The following SMAD6 variants were observed in gnomAD, a reference collection of about 807,000 sequenced individuals.
SMAD6 encodes the protein SMAD family member 6.
SMAD6 carries 103 observed loss-of-function variants against 39.4 expected under a neutral mutation model. That is an observed-to-expected ratio of 2.62 (90% CI 2.23 to 3.08). The LOEUF is 3.08. Among genes scored for constraint, SMAD6 ranks in the 30% most tolerant of loss-of-function variants. SMAD6 has a pLI of 0.00. For synonymous variants in SMAD6, 445 were observed against 353.3 expected, an observed-to-expected ratio of 1.26 and a Z score of -2.91; for missense variants, 1,104 against 742.9, an observed-to-expected ratio of 1.49 and a Z score of -5.65.
At chr15:66,755,189 A>G (rs2140652445) in intron 3 of SMAD6, among the ~76,000 whole-genome samples, 2 of 152,278 alleles carry the variant, frequency 1.3e-5, no homozygotes, top group East Asian at 3.9e-4. Flanking sequence ...GATGGGGAGG[A>G]GTCATGGCCC....
At chr15:66,760,924 G>A (rs1382432213) in intron 3 of SMAD6, among the ~76,000 whole-genome samples, 1 of 152,126 alleles carries the variant, frequency 6.6e-6, no homozygotes, top group Non-Finnish European at 1.5e-5. Flanking sequence ...CCTCTCGAGG[G>A]ATCATGACAT....
At position 66,781,094 on chromosome 15, in the gene SMAD6, C is replaced by G. The variant is rs200493039; in HGVS notation, c.1050C>G (p.Tyr350Ter). The change falls in exon 4 of 4, where the codon TAC (tyrosine) becomes TAG (stop). Residue 350 changes from tyrosine (Y) to a stop codon, truncating the protein, a stop_gained. Transcript: ENST00000288840. LOFTEE classifies it high-confidence loss of function. ...GCGTGGGCCGCCTCTATGCGGTGTACGACCAGGCCGTCAGCATCTTCTACG... is the reference window on the plus strand; with the variant it reads ...GCGTGGGCCGCCTCTATGCGGTGTAGGACCAGGCCGTCAGCATCTTCTACG... The part of the protein sequence containing the change: ...RTRVGRLYAV[Y>*]DQAVSIFYDL... 4.4e-6 allele frequency: 7 copies of G among 1,607,894 alleles called. No individual in the cohort carries two copies. The highest frequency in any genetic ancestry group is 5.9e-6 in the Non-Finnish European group (7 of 1,179,354).
At chr15:66,757,015 A>G (rs1352441081) in intron 3 of SMAD6, among the ~76,000 whole-genome samples, 2 of 152,154 alleles carry the variant, frequency 1.3e-5, no homozygotes, top group Non-Finnish European at 2.9e-5. Flanking sequence ...GGGAGTCCTT[A>G]GACTTTGGGT....
At chr15:66,714,332 C>G (rs755966227) in intron 2 of SMAD6, among the ~76,000 whole-genome samples, 1 of 152,016 alleles carries the variant, frequency 6.6e-6, no homozygotes, top group East Asian at 1.9e-4. Context: ...CTCAGCCCAC[C>G]ACCTGTTTTT....
intron 3 of SMAD6, among the ~76,000 whole-genome samples, chr15:66,741,498 G>C (rs1433538107): frequency 6.6e-6 from 1 of 152,218 alleles, no homozygotes; most frequent in East Asian, 1.9e-4. Context: ...ATGAGGAGGA[G>C]GTGGGTGGGA....
At chr15:66,740,331 G>T (rs1406246118) in intron 3 of SMAD6, 1 of 152,264 alleles carries the variant, frequency 6.6e-6, no homozygotes. Context: ...ACCCAGCTTG[G>T]TGTGGCCAGT....
chr15:66,715,260 C>T (rs1057073810), intron 2 of SMAD6, among the ~76,000 whole-genome samples: 1 of 147,590 alleles, frequency 6.8e-6, no homozygotes. Context: ...AACACTCAGT[C>T]AGCATCTGGC....
intron 3 of SMAD6, 107 bp from the exon 4 acceptor site, chr15:66,780,890 A>G: frequency 8.6e-7 from 1 of 1,156,904 alleles, no homozygotes; most frequent in Non-Finnish European, 1.2e-6. Flanking sequence ...AATGCTGGAA[A>G]CCTTACCCAG....
chr15:66,746,509 G>C (rs547731622), intron 3 of SMAD6, among the ~76,000 whole-genome samples: 5 of 152,148 alleles, frequency 3.3e-5, no homozygotes, highest in African/African-American at 7.2e-5. Flanking sequence ...TTGCTCTAGG[G>C]GGGTGGGGGG....
intron 3 of SMAD6, among the ~76,000 whole-genome samples, chr15:66,767,526 G>A (rs972001185): frequency 1.3e-5 from 2 of 152,284 alleles, no homozygotes; most frequent in Middle Eastern, 3.4e-3. Flanking sequence ...GATGCGTCAA[G>A]CAGCTTCAAC....
chr15:66,775,000 A>G (rs1353675463), intron 3 of SMAD6, among the ~76,000 whole-genome samples: 3 of 151,996 alleles, frequency 2.0e-5, no homozygotes, highest in Non-Finnish European at 4.4e-5. Context: ...AGTTGGGATT[A>G]AGGCGCCCGC....
At chr15:66,761,809 C>T (rs541981585) in intron 3 of SMAD6, among the ~76,000 whole-genome samples, 9 of 152,324 alleles carry the variant, frequency 5.9e-5, no homozygotes, top group East Asian at 3.9e-4. Flanking sequence ...GAAATACACA[C>T]GCCCTTGCTG....
chr15:66,769,336 C>T (rs1894342492), intron 3 of SMAD6, among the ~76,000 whole-genome samples: 1 of 152,188 alleles, frequency 6.6e-6, no homozygotes, highest in Admixed American at 6.5e-5. Flanking sequence ...TCATTTTTCA[C>T]TGGGCCCTCA....
chr15:66,731,974 C>CG lies in SMAD6; in HGVS notation c.952+15477dup. 2.8e-5 allele frequency among the ~76,000 whole-genome samples: 4 copies of CG among 143,364 alleles called. No individual in the cohort carries two copies. The Middle Eastern group carries it at 0.016, about 560-fold the overall frequency. The allele number at this position is 143,364 out of a possible 152,430, so 94.1% of individuals were successfully genotyped here. On this transcript the variant is annotated intron_variant, in intron 3 of 3. Coordinates refer to ENST00000288840, the MANE Select transcript of SMAD6 (RefSeq NM_005585.5). ...TTTTTTTTTTTTTGAGACAGAGTCT[C>CG]GTGCCATCACCCAGGCTAGAGTGCA...
chr15:66,730,823 T>C (rs1250423273), intron 3 of SMAD6, among the ~76,000 whole-genome samples: 1 of 152,234 alleles, frequency 6.6e-6, no homozygotes, highest in Non-Finnish European at 1.5e-5. Flanking sequence ...AGAGGTAATT[T>C]GCCCAGTGGC....
Position 66,703,227 on chromosome 15 carries a change from T to C in SMAD6, c.-32T>C, listed in dbSNP as rs1893013839. 3 of 1,339,086 alleles carry C rather than the reference T, an allele frequency of 2.2e-6. No individual in the cohort carries two copies. Among genetic ancestry groups the C allele is most frequent in the South Asian group, 3.8e-5 (2 of 53,270 alleles). 83.0% of individuals were successfully genotyped at this position (1,339,086 alleles called of 1,614,324 possible). A position where few individuals can be genotyped will look rare whatever the true frequency, so the allele number is the denominator to read the frequency against. On this transcript the variant is annotated 5_prime_UTR_variant, in exon 1 of 4. Transcript: ENST00000288840. ...GGACCCCCGGTAACCGGAGACCGCCTCCCCCCCACCCCTGGCGCCAAAGGA... is the reference window on the plus strand; with the variant it reads ...GGACCCCCGGTAACCGGAGACCGCCCCCCCCCCACCCCTGGCGCCAAAGGA...
At chr15:66,763,816 T>C (rs1209346057) in intron 3 of SMAD6, among the ~76,000 whole-genome samples, 1 of 152,232 alleles carries the variant, frequency 6.6e-6, no homozygotes, top group East Asian at 1.9e-4. Flanking sequence ...CCTGCCCATT[T>C]GGAAAAGCCC....
At chr15:66,742,949 G>C (rs1893841251) in intron 3 of SMAD6, among the ~76,000 whole-genome samples, 1 of 152,136 alleles carries the variant, frequency 6.6e-6, no homozygotes, top group African/African-American at 2.4e-5. Flanking sequence ...CAGCATTCCA[G>C]AACAGCTGCC....
chr15:66,713,613 T>C (rs1193231859), intron 2 of SMAD6, among the ~76,000 whole-genome samples: 1 of 152,202 alleles, frequency 6.6e-6, no homozygotes, highest in African/African-American at 2.4e-5. Context: ...CCACTGCGCC[T>C]GGCTGGGCAA....
Sources: allele counts gnomAD v4.1 joint callset (sites outside exome capture counted in the v4.1 genomes callset), GRCh38; gene constraint gnomAD v4.1.1; transcripts MANE v1.5; gene names NCBI Gene and HGNC (gene_info 2026-07-23, HGNC 2026-07-21).